MINDY2: variants seen among roughly 807,000 people sequenced by gnomAD.
MINDY2 encodes the protein MINDY lysine 48 deubiquitinase 2, also known as ubiquitin carboxyl-terminal hydrolase MINDY-2.
In MINDY2, 52 loss-of-function variants were observed where a neutral mutation model predicts 68.2. That is an observed-to-expected ratio of 0.76 (90% CI 0.61 to 0.96). The LOEUF is 0.96. MINDY2 is among the 40% of genes least tolerant of loss of function. The pLI is 0.00. For missense variants in MINDY2, 881 were observed against 773.4 expected (o/e 1.14, Z -1.65); for synonymous variants, 372 against 303.0 (o/e 1.23, Z -2.36).
intron 1 of MINDY2, among the ~76,000 whole-genome samples, chr15:58,784,201 C>T (rs544531741): frequency 2.6e-5 from 4 of 152,106 alleles, no homozygotes; most frequent in African/African-American, 9.6e-5. Flanking sequence ...TGGTGCGTGC[C>T]TGTAGTTCCA....
rs1464575541 is a variant in MINDY2 at position 58,771,955 on chromosome 15, G to A, written c.560G>A (p.Ser187Asn). ...TTCTCTAACCTGCATTCTTTTCCCA[G>A]TAGCTGCGAGTTCAATAGTGAGGAG... Reference protein sequence around the residue: ...ESFSNLHSFPSSCEFNSEEGA... With the variant: ...ESFSNLHSFPNSCEFNSEEGA... Residue 187 changes from serine to asparagine, a missense_variant, in exon 1 of 9, where the codon AGT becomes AAT. Transcript: ENST00000559228. 6.4e-7 allele frequency: 1 copy of A among 1,560,292 alleles called. No homozygotes were observed.
intron 4 of MINDY2, among the ~76,000 whole-genome samples, chr15:58,813,062 T>C (rs1357033257): frequency 1.3e-5 from 2 of 152,200 alleles, no homozygotes; most frequent in African/African-American, 4.8e-5. Context: ...TGTAATCTTT[T>C]TGGATTGCAT....
chr15:58,856,440 A>G lies in MINDY2; in HGVS notation c.*1830A>G, dbSNP rs2033064957. 6.6e-6 allele frequency: 1 copy of G among 152,640 alleles called. No individual in the cohort carries two copies. Among genetic ancestry groups the G allele is most frequent in the Non-Finnish European group, 1.5e-5 (1 of 68,030 alleles). The allele number at this position is 152,640 out of a possible 1,614,324, so 9.5% of individuals were successfully genotyped here. Reference sequence around the variant, plus strand: ...AGGGAAAAATCCAGGGTCAAGCTGTATCTTTTATGTCCTTTATATTGCATG... The same window carrying G: ...AGGGAAAAATCCAGGGTCAAGCTGTGTCTTTTATGTCCTTTATATTGCATG... On this transcript the variant is annotated 3_prime_UTR_variant, in exon 9 of 9. Transcript: ENST00000559228.
At position 58,810,229 on chromosome 15, in the gene MINDY2, G is replaced by A. The variant is rs753581174; in HGVS notation, c.964-1G>A. 6.2e-7 allele frequency: 1 copy of A among 1,601,190 alleles called. No individual in the cohort carries two copies. The highest frequency in any genetic ancestry group is 1.8e-5 in the Admixed American group (1 of 56,370). On this transcript the variant is annotated splice_acceptor_variant, in intron 3 of 8. Coordinates refer to ENST00000559228, the MANE Select transcript of MINDY2 (RefSeq NM_001040450.3). LOFTEE classifies it high-confidence loss of function. ...AGAACTTTCCCCTTTTCTATTTTCAGAATATGAGTGATGCCATGGCAATTT... is the reference window on the plus strand; with the variant it reads ...AGAACTTTCCCCTTTTCTATTTTCAAAATATGAGTGATGCCATGGCAATTT...
intron 2 of MINDY2, among the ~76,000 whole-genome samples, chr15:58,795,156 C>T (rs1251284794): frequency 5.3e-5 from 8 of 150,436 alleles, no homozygotes; most frequent in Non-Finnish European, 1.0e-4. Context: ...AGCCTGGGCA[C>T]CAGAGCGAGA....
At position 58,851,973 on chromosome 15, in the gene MINDY2, C is replaced by G. The variant is rs1246097816; in HGVS notation, c.1737+8C>G. On this transcript the variant is annotated splice_region_variant and intron_variant, in intron 8 of 8. Transcript: ENST00000559228. ...GCTTCTACACAGGCTCAGGTAAAAA[C>G]TAGTGTTTTGAGTCTTAAATGTGAT... 1.3e-6 allele frequency: 2 copies of G among 1,570,506 alleles called. No individual in the cohort carries two copies. The highest frequency in any genetic ancestry group is 8.6e-7 in the Non-Finnish European group (1 of 1,165,422).
intron 2 of MINDY2, among the ~76,000 whole-genome samples, chr15:58,794,211 TGTAA>T (rs2140935404): frequency 6.6e-6 from 1 of 152,130 alleles, no homozygotes; most frequent in South Asian, 2.1e-4. Context: ...GAGGAAATGA[TGTAA>T]GTGTGTTGAA....
chr15:58,830,859 G>A (rs1273678619), intron 5 of MINDY2, among the ~76,000 whole-genome samples: 1 of 151,966 alleles, frequency 6.6e-6, no homozygotes, highest in Non-Finnish European at 1.5e-5. Context: ...TGTGCACATT[G>A]GGCCACTCAG....
intron 5 of MINDY2, among the ~76,000 whole-genome samples, chr15:58,822,653 G>A (rs977946072): frequency 2.2e-4 from 34 of 152,066 alleles, no homozygotes; most frequent in South Asian, 6.2e-4. Context: ...TAAATTCATC[G>A]TCACAAAATC....
At chr15:58,803,402 A>G (rs1372296030) in intron 3 of MINDY2, among the ~76,000 whole-genome samples, 2 of 151,832 alleles carry the variant, frequency 1.3e-5, no homozygotes, top group Non-Finnish European at 2.9e-5. Flanking sequence ...CAGGAGGCGG[A>G]AGTTGCAGTG....
At chr15:58,850,994 G>A (rs577612116) in intron 7 of MINDY2, among the ~76,000 whole-genome samples, 19 of 150,910 alleles carry the variant, frequency 1.3e-4, no homozygotes, top group African/African-American at 3.2e-4. Context: ...TTTTTTTCAC[G>A]ACTGAGTCTT....
rs566561884 is a variant in MINDY2, at chr15:58,771,547, G to A, written c.152G>A (p.Gly51Glu). Residue 51 changes from glycine to glutamate, a missense_variant, in exon 1 of 9, where the codon GGG becomes GAG. Physicochemically the swap from Gly to Glu is moderately conservative, Grantham distance 98. Transcript: ENST00000559228. ...PGVWAAETSG[G>E]NGLGAAAARR... is the part of the protein sequence containing the mutation. ...GTATGGGCGGCGGAGACCAGCGGCG[G>A]GAATGGGCTGGGGGCGGCGGCCGCC... The A allele has an allele frequency of 3.1e-6, 5 of 1,611,498 alleles. No homozygotes were observed. The South Asian group carries it at 5.5e-5, about 18-fold the overall frequency.
intron 6 of MINDY2, among the ~76,000 whole-genome samples, chr15:58,833,398 A>G (rs1334360871): frequency 6.6e-6 from 1 of 152,198 alleles, no homozygotes; most frequent in Non-Finnish European, 1.5e-5. Flanking sequence ...GTGGAACAAG[A>G]GACTTGGAAA....
At position 58,800,617 on chromosome 15, in the gene MINDY2, C is replaced by T. The variant is rs1317936910; in HGVS notation, c.899-1696C>T. Among the ~76,000 whole-genome samples the T allele has an allele frequency of 4.0e-5, 6 of 151,850 alleles. No individual in the cohort carries two copies. In the South Asian group the frequency reaches 8.3e-4, roughly 21 times the overall value. On this transcript the variant is annotated intron_variant, in intron 2 of 8. Coordinates refer to ENST00000559228, the MANE Select transcript of MINDY2 (RefSeq NM_001040450.3). ...CTTCCCCTCAAAAGATGCTTTTTCT[C>T]CCATTGCCATTCCAAGTTTTGCTCA... is the stretch of plus-strand genomic sequence containing the variant.
intron 4 of MINDY2, among the ~76,000 whole-genome samples, chr15:58,820,813 T>C (rs2031012170): frequency 6.6e-6 from 1 of 152,156 alleles, no homozygotes; most frequent in Admixed American, 6.5e-5. Flanking sequence ...AAAGAGTAAG[T>C]CTTCAAGGTG....
At chr15:58,822,130 T>C (rs1244829332) in intron 5 of MINDY2, among the ~76,000 whole-genome samples, 1 of 151,928 alleles carries the variant, frequency 6.6e-6, no homozygotes, top group East Asian at 1.9e-4. Flanking sequence ...GTTGCATGCC[T>C]GTAATCCCAG....
At chr15:58,831,041 G>GTATATATA (rs61211927) in intron 5 of MINDY2, among the ~76,000 whole-genome samples, 51 of 124,882 alleles carry the variant, frequency 4.1e-4, no homozygotes, top group East Asian at 1.8e-3. Flanking sequence ...GTGTGTGTGT[G>GTATATATA]TATATATATA....
At position 58,817,029 on chromosome 15, in the gene MINDY2, T is replaced by C. The variant is rs529470413; in HGVS notation, c.1123-4688T>C. ...ATAAAACTACAAAAGTTTGAAACTA[T>C]GTTCCTGATATTATGACATCACTGT... On this transcript the variant is annotated intron_variant, in intron 4 of 8. Transcript: ENST00000559228. Among the ~76,000 whole-genome samples, 5 of 152,316 alleles carry C rather than the reference T, an allele frequency of 3.3e-5. No homozygotes were observed. The South Asian group carries it at 1.0e-3, about 32-fold the overall frequency.
In MINDY2 at chr15:58,860,709, A is replaced by G. The variant is rs1256140314; in HGVS notation, c.*6099A>G. On this transcript the variant is annotated 3_prime_UTR_variant, in exon 9 of 9. Transcript: ENST00000559228. The stretch of plus-strand genomic sequence containing the variant: ...CTAACTAATGCAATGTGTTTTTTAA[A>G]AATTTTTAATGAACCTTACATTGTG... The G allele has an allele frequency of 6.6e-6, 1 of 152,220 alleles. No individual in the cohort carries two copies. The highest frequency in any genetic ancestry group is 2.4e-5 in the African/African-American group (1 of 41,460). The allele number at this position is 152,220 out of a possible 1,614,324, so 9.4% of individuals were successfully genotyped here.
Sources: gnomAD v4.1 joint callset for allele counts (sites outside exome capture counted in the v4.1 genomes callset) on GRCh38, gnomAD v4.1.1 for gene constraint, MANE v1.5 for transcripts, NCBI Gene and HGNC (gene_info 2026-07-23, HGNC 2026-07-21) for gene names.